Variants in SPAG6 observed in about 807,000 individuals in gnomAD.
The protein encoded by SPAG6 is sperm associated antigen 6.
SPAG6 carries 49 observed loss-of-function variants against 58.5 expected under a neutral mutation model. That is an observed-to-expected ratio of 0.84 (90% CI 0.67 to 1.06). The LOEUF (loss-of-function observed/expected upper bound fraction) is 1.06. Ranked by LOEUF, SPAG6 falls within the 50% of genes least tolerant of loss-of-function variation. The pLI is 0.00. For missense variants in SPAG6, 560 were observed against 611.3 expected (o/e 0.92, Z 0.89); for synonymous variants, 233 against 225.6 (o/e 1.03, Z -0.29).
Position 22,406,810 on chromosome 10 carries a change from T to A in SPAG6, c.1315-4221T>A, listed in dbSNP as rs1834569238. ...GGTCACTCAGGACTTGCTTTATGAA[T>A]CTTGGTGCTCCTGTATTGGGTGCAT... is the stretch of plus-strand genomic sequence containing the variant. On this transcript the variant is annotated intron_variant, in intron 9 of 10. Transcript: ENST00000376624. Among the ~76,000 whole-genome samples the A allele has an allele frequency of 2.0e-5, 3 of 152,182 alleles. No homozygotes were observed. In the South Asian group the frequency reaches 6.2e-4, roughly 32 times the overall value.
At chr10:22,376,831 T>C (rs773311280) in intron 4 of SPAG6, among the ~76,000 whole-genome samples, 1 of 151,992 alleles carries the variant, frequency 6.6e-6, no homozygotes, top group East Asian at 1.9e-4. Context: ...ATGCCTATAG[T>C]CCCAGCACTT....
At chr10:22,393,374 T>C (rs1340669354) in intron 8 of SPAG6, among the ~76,000 whole-genome samples, 1 of 152,168 alleles carries the variant, frequency 6.6e-6, no homozygotes, top group African/African-American at 2.4e-5. Flanking sequence ...AATTTCAGCT[T>C]GAGAAGCCCT....
intron 10 of SPAG6, chr10:22,411,811 A>G (rs1482127369): frequency 6.6e-6 from 1 of 151,934 alleles, no homozygotes; most frequent in Non-Finnish European, 1.5e-5. Context: ...AATAAAAGCA[A>G]AAAAAGAGAA....
chr10:22,402,048 T>C (rs1344603286), intron 9 of SPAG6, among the ~76,000 whole-genome samples: 1 of 152,208 alleles, frequency 6.6e-6, no homozygotes, highest in Non-Finnish European at 1.5e-5. Context: ...ACTTACCAGC[T>C]CTGTAATTCT....
At position 22,345,788 on chromosome 10, in the gene SPAG6, C is replaced by A. The variant is rs777963481; in HGVS notation, c.91C>A (p.Pro31Thr). Residue 31 changes from proline (P) to threonine (T), a missense_variant, in exon 2 of 11, where the codon CCC (proline) becomes ACC (threonine). Transcript: ENST00000376624. This position sits in a 1 kb window ranked among gnomAD's most constrained non-coding sequence, Gnocchi z 6.3. ...GATGGTGGCGGAGCTGGCGACTAGA[C>A]CCCAAAACATCGAGACGCTGCAGAA... ...VQMVAELATR[P>T]QNIETLQNAG... The A allele has an allele frequency of 1.2e-6, 2 of 1,613,676 alleles. No individual in the cohort carries two copies. Among genetic ancestry groups the A allele is most frequent in the South Asian group, 1.1e-5 (1 of 91,036 alleles).
intron 10 of SPAG6, among the ~76,000 whole-genome samples, chr10:22,415,088 C>T (rs1246998460): frequency 6.6e-6 from 1 of 152,066 alleles, no homozygotes; most frequent in Non-Finnish European, 1.5e-5. Context: ...TTTTCTAGTC[C>T]TCAGTAGCTG....
chr10:22,411,121 C>G lies in SPAG6; in HGVS notation c.1405C>G (p.Leu469Val), dbSNP rs776945378. ...VQEIKAEPGS[L>V]LQEYINSINS... Reference sequence around the variant, plus strand: ...AGAGATAAAAGCAGAACCTGGTTCTCTCCTTCAAGAATACATCAACAGTAT... The same window carrying G: ...AGAGATAAAAGCAGAACCTGGTTCTGTCCTTCAAGAATACATCAACAGTAT... Residue 469 changes from leucine (L) to valine (V), a missense_variant, in exon 10 of 11, where the codon CTC becomes GTC. By Grantham distance (32) the Leu-to-Val change is conservative. Coordinates refer to ENST00000376624, the MANE Select transcript of SPAG6 (RefSeq NM_012443.4). 1.9e-6 allele frequency: 3 copies of G among 1,613,950 alleles called. No homozygotes were observed. The South Asian group carries it at 3.3e-5, about 18-fold the overall frequency.
chr10:22,406,926 T>G (rs547283717), intron 9 of SPAG6, among the ~76,000 whole-genome samples: 1,857 of 151,894 alleles, frequency 0.012, 20 homozygotes, highest in African/African-American at 0.043. Context: ...TTTGTTGGTT[T>G]AAAGTCTGTT....
In SPAG6 at chr10:22,364,857, A is replaced by G. The variant is rs1280660143; in HGVS notation, c.126A>G (p.Val42=). 1 of 1,600,114 alleles carries G rather than the reference A, an allele frequency of 6.2e-7. No individual in the cohort carries two copies. The highest frequency in any genetic ancestry group is 8.5e-7 in the Non-Finnish European group (1 of 1,175,272). ...TTCTTTCATAATTTAACTCAGGTGTAATGTCTTTGCTGAGAACTCTTCTTC... is the reference window on the plus strand; with the variant it reads ...TTCTTTCATAATTTAACTCAGGTGTGATGTCTTTGCTGAGAACTCTTCTTC... ...QNIETLQNAG[V]MSLLRTLLLD... Residue 42 remains valine (V), a synonymous_variant, in exon 3 of 11, where the codon GTA becomes GTG. Coordinates refer to ENST00000376624, the MANE Select transcript of SPAG6 (RefSeq NM_012443.4).
chr10:22,402,132 A>G (rs762418279), intron 9 of SPAG6, among the ~76,000 whole-genome samples: 6 of 152,210 alleles, frequency 3.9e-5, no homozygotes, highest in Non-Finnish European at 8.8e-5. Context: ...TACTTATTTC[A>G]TAGGGTCATT....
intron 8 of SPAG6, among the ~76,000 whole-genome samples, chr10:22,396,585 C>A (rs1178293393): frequency 6.6e-6 from 1 of 152,132 alleles, no homozygotes; most frequent in Non-Finnish European, 1.5e-5. Context: ...AGGAAAGCAA[C>A]AATTAGTAAT....
intron 2 of SPAG6, among the ~76,000 whole-genome samples, chr10:22,350,460 T>C (rs1468112820): frequency 1.3e-5 from 2 of 152,080 alleles, no homozygotes; most frequent in Non-Finnish European, 1.5e-5. Flanking sequence ...AAAACTAAGC[T>C]GTAGATGAGC....
chr10:22,381,362 C>A lies in SPAG6; in HGVS notation c.473-5392C>A, dbSNP rs536674064. On this transcript the variant is annotated intron_variant, in intron 4 of 10. Transcript: ENST00000376624. Reference sequence around the variant, plus strand: ...AAAAAAAATTGCCAACACTTAAAAACCAGATAATTTCACATTAAAAAAAAA... The same window carrying A: ...AAAAAAAATTGCCAACACTTAAAAAACAGATAATTTCACATTAAAAAAAAA... Among the ~76,000 whole-genome samples the A allele has an allele frequency of 5.2e-4, 79 of 151,616 alleles. No homozygotes were observed. The South Asian group carries it at 0.016, about 31-fold the overall frequency.
At chr10:22,358,043 A>C (rs1836918132) in intron 2 of SPAG6, among the ~76,000 whole-genome samples, 1 of 152,064 alleles carries the variant, frequency 6.6e-6, no homozygotes, top group Admixed American at 6.6e-5. Context: ...CGCAATAAAC[A>C]TACGTGTGCA....
chr10:22,401,715 C>T (rs568263813), intron 9 of SPAG6, among the ~76,000 whole-genome samples: 14 of 152,190 alleles, frequency 9.2e-5, no homozygotes, highest in African/African-American at 3.1e-4. Context: ...TGGAGCATAT[C>T]GACTTATTTT....
At chr10:22,410,951 C>A in intron 9 of SPAG6, 80 bp from the exon 10 acceptor site, 1 of 1,399,624 alleles carries the variant, frequency 7.1e-7, no homozygotes, top group African/African-American at 1.4e-5. Flanking sequence ...TACATTTTCT[C>A]ACATACAGTA....
Position 22,411,178 on chromosome 10 carries a change from TG to T in SPAG6, c.1460+6del. ...TTGTTACCCCGAGGAAATAGTGAGGTGGGGAAAATGGACTTTGAAACGTTCA... is the reference window on the plus strand; with the variant it reads ...TTGTTACCCCGAGGAAATAGTGAGGTGGGAAAATGGACTTTGAAACGTTCA... On this transcript the variant is annotated splice_donor_region_variant and intron_variant, in intron 10 of 10. Coordinates refer to ENST00000376624, the MANE Select transcript of SPAG6 (RefSeq NM_012443.4). 6.2e-7 allele frequency: 1 copy of T among 1,600,472 alleles called. No homozygotes were observed. Among genetic ancestry groups the T allele is most frequent in the Non-Finnish European group, 8.5e-7 (1 of 1,174,602 alleles).
chr10:22,384,174 G>A (rs566908528), intron 4 of SPAG6, among the ~76,000 whole-genome samples: 14 of 152,310 alleles, frequency 9.2e-5, no homozygotes, highest in Non-Finnish European at 4.4e-5. Context: ...TTCCATTATA[G>A]TTGCAAGATG....
At chr10:22,352,033 G>A (rs1164303420) in intron 2 of SPAG6, among the ~76,000 whole-genome samples, 1 of 152,032 alleles carries the variant, frequency 6.6e-6, no homozygotes, top group East Asian at 1.9e-4. Flanking sequence ...GGTGGCGGGT[G>A]CCTGCAGTCC....
Sources: allele counts gnomAD v4.1 joint callset (sites outside exome capture counted in the v4.1 genomes callset), GRCh38; gene constraint gnomAD v4.1.1; non-coding constraint Gnocchi (gnomAD v3.1); transcripts MANE v1.5; gene names NCBI Gene and HGNC (gene_info 2026-07-23, HGNC 2026-07-21).